RPGRIP1: variants seen among roughly 807,000 people sequenced by gnomAD.
RPGRIP1 encodes X-linked retinitis pigmentosa GTPase regulator-interacting protein 1.
A neutral mutation model predicts 157.9 loss-of-function variants in RPGRIP1; 128 were observed. The observed-to-expected ratio is 0.81, with a 90% CI of 0.70 to 0.94. RPGRIP1 has a LOEUF of 0.94. Among genes scored for constraint, RPGRIP1 ranks in the 40% least tolerant of loss-of-function variants. The pLI is 0.00. For synonymous variants in RPGRIP1, 554 were observed against 571.6 expected (o/e 0.97, Z 0.44); for missense variants, 1,486 against 1,545.8 (o/e 0.96, Z 0.65).
At chr14:21,332,792 G>A (rs1051602734) in intron 20 of RPGRIP1, among the ~76,000 whole-genome samples, 19 of 151,978 alleles carry the variant, frequency 1.3e-4, no homozygotes, top group African/African-American at 4.3e-4. Context: ...TTTTAATATC[G>A]CTGTTCTCCA....
intron 6 of RPGRIP1, among the ~76,000 whole-genome samples, chr14:21,305,523 G>GT (rs1566673827): frequency 6.6e-6 from 1 of 152,116 alleles, no homozygotes; most frequent in African/African-American, 2.4e-5. Context: ...ATTATGTGTC[G>GT]TTTTTTGTAT....
intron 20 of RPGRIP1, among the ~76,000 whole-genome samples, chr14:21,332,571 T>A (rs1883896569): frequency 6.6e-6 from 1 of 152,226 alleles, no homozygotes; most frequent in African/African-American, 2.4e-5. Context: ...CAGACCTGAA[T>A]GCGGGGTTCC....
chr14:21,329,965 A>G (rs1242516466), intron 19 of RPGRIP1, among the ~76,000 whole-genome samples: 1 of 150,980 alleles, frequency 6.6e-6, no homozygotes, highest in Non-Finnish European at 1.5e-5. Flanking sequence ...TAAAAATAGA[A>G]AAATTAGTCA....
chr14:21,307,198 C>T (rs1309814312), intron 6 of RPGRIP1, among the ~76,000 whole-genome samples: 1 of 151,998 alleles, frequency 6.6e-6, no homozygotes, highest in Admixed American at 6.6e-5. Context: ...GGATGACAGG[C>T]TTATGCCACC....
chr14:21,317,946 C>T (rs1472702650), intron 11 of RPGRIP1, 96 bp downstream of exon 11: 4 of 1,029,490 alleles, frequency 3.9e-6, no homozygotes. Context: ...AATCCCCTCA[C>T]TTGATCCTAT....
At chr14:21,344,981 A>G in intron 22 of RPGRIP1, 132 bp from the exon 23 acceptor site, 1 of 659,748 alleles carries the variant, frequency 1.5e-6, no homozygotes, top group Non-Finnish European at 2.8e-6. Flanking sequence ...CAGTTGGTCC[A>G]TGTTATTCTA....
chr14:21,334,780 C>T (rs1189480137), intron 21 of RPGRIP1, 75 bp downstream of exon 21: 13 of 990,424 alleles, frequency 1.3e-5, no homozygotes, highest in Non-Finnish European at 2.0e-5. Flanking sequence ...TGGGGGCTCA[C>T]GCCTGTAATC....
intron 3 of RPGRIP1, among the ~76,000 whole-genome samples, chr14:21,298,344 A>G (rs1880881586): frequency 6.6e-6 from 1 of 152,096 alleles, no homozygotes; most frequent in Non-Finnish European, 1.5e-5. Context: ...TTCTAAAAAT[A>G]CAAAGATTAT....
At chr14:21,300,066 C>T (rs1424994572) in intron 3 of RPGRIP1, among the ~76,000 whole-genome samples, 4 of 152,166 alleles carry the variant, frequency 2.6e-5, no homozygotes, top group African/African-American at 9.7e-5. Flanking sequence ...GAGGCCAAGG[C>T]GGGCGAATCA....
intron 2 of RPGRIP1, among the ~76,000 whole-genome samples, chr14:21,294,306 T>C (rs1467898514): frequency 1.3e-5 from 2 of 150,812 alleles, no homozygotes; most frequent in African/African-American, 2.4e-5. Flanking sequence ...TCTCGGCTCA[T>C]GGCAACCTCT....
chr14:21,323,733 A>G (rs1882750042), intron 14 of RPGRIP1, among the ~76,000 whole-genome samples: 1 of 152,040 alleles, frequency 6.6e-6, no homozygotes, highest in South Asian at 2.1e-4. Context: ...AATTTTAAGT[A>G]TATTATATTT....
chr14:21,318,042 C>T, intron 11 of RPGRIP1, 192 bp downstream of exon 11: 1 of 699,846 alleles, frequency 1.4e-6, no homozygotes. Flanking sequence ...TTACCTACCT[C>T]TCATGTATAC....
chr14:21,302,804 T>G, intron 5 of RPGRIP1: 1 of 346,834 alleles, frequency 2.9e-6, no homozygotes, highest in Non-Finnish European at 5.2e-6. Flanking sequence ...ATTTCTCAGT[T>G]GAAGGTATTC....
rs1023525604 is a variant in RPGRIP1, at chr14:21,328,549, T to C, written c.3021T>C (p.His1007=). ...TTGTGAGCTACTCAAGAAGAAAACA[T>C]GGCAAAAGAATAGGTGTTCAAGGAA... ...HQVVSYSRRK[H]GKRIGVQGKN... The change falls in exon 19 of 25, where the codon CAT becomes CAC. Residue 1007 remains histidine (H), a synonymous_variant. Coordinates refer to ENST00000400017, the MANE Select transcript of RPGRIP1 (RefSeq NM_020366.4). 9 of 1,613,690 alleles carry C rather than the reference T, an allele frequency of 5.6e-6. No homozygotes were observed. The highest frequency in any genetic ancestry group is 7.6e-6 in the Non-Finnish European group (9 of 1,179,728).
chr14:21,283,503 A>G (rs775063289), intron 1 of RPGRIP1, among the ~76,000 whole-genome samples: 4 of 152,110 alleles, frequency 2.6e-5, no homozygotes, highest in Non-Finnish European at 4.4e-5. Context: ...GGGTTTCGCC[A>G]TGTTAGCCAG....
intron 24 of RPGRIP1, 121 bp from the exon 25 acceptor site, chr14:21,350,983 A>AT (rs113044180): frequency 0.031 from 18,670 of 596,886 alleles, 547 homozygotes; most frequent in African/African-American, 0.12. Flanking sequence ...CCTTCACTAG[A>AT]TTGAGTCCTC....
chr14:21,339,498 GTTTA>G (rs1322287461), intron 21 of RPGRIP1, among the ~76,000 whole-genome samples: 2 of 152,070 alleles, frequency 1.3e-5, no homozygotes, highest in Non-Finnish European at 2.9e-5. Flanking sequence ...GCTATGTAAT[GTTTA>G]TTTAGTTTTA....
At chr14:21,281,678 G>T (rs1880128556) in intron 1 of RPGRIP1, among the ~76,000 whole-genome samples, 1 of 134,896 alleles carries the variant, frequency 7.4e-6, no homozygotes, top group Non-Finnish European at 1.6e-5. Context: ...AACAGAGTGA[G>T]ACCTTGTCTC....
intron 1 of RPGRIP1, among the ~76,000 whole-genome samples, chr14:21,283,802 G>T (rs527671367): frequency 6.6e-6 from 1 of 151,622 alleles, no homozygotes; most frequent in South Asian, 2.1e-4. Context: ...GATTACAGGC[G>T]CCTGTCACCA....
Sources: gnomAD v4.1 joint callset for allele counts (sites outside exome capture counted in the v4.1 genomes callset) on GRCh38, gnomAD v4.1.1 for gene constraint, MANE v1.5 for transcripts, NCBI Gene and HGNC (gene_info 2026-07-23, HGNC 2026-07-21) for gene names.